CDH12: variants seen among roughly 807,000 people sequenced by gnomAD.
CDH12 encodes cadherin-12.
A neutral mutation model predicts 74.1 loss-of-function variants in CDH12; 41 were observed. That is an observed-to-expected ratio of 0.55 (90% CI 0.43 to 0.72). The LOEUF (loss-of-function observed/expected upper bound fraction) is 0.72, where lower values mean the gene tolerates loss of function less well. Ranked by LOEUF, CDH12 falls within the 30% of genes least tolerant of loss-of-function variation. The pLI, the probability that CDH12 is intolerant of heterozygous loss-of-function variation, is 0.00. For missense variants in CDH12, 945 were observed against 977.2 expected, an observed-to-expected ratio of 0.97 and a Z score of 0.44; for synonymous variants, 399 against 355.0, an observed-to-expected ratio of 1.12 and a Z score of -1.39.
intron 8 of CDH12, among the ~76,000 whole-genome samples, chr5:21,825,134 C>G (rs1399786832): frequency 7.1e-6 from 1 of 141,058 alleles, no homozygotes; most frequent in African/African-American, 2.7e-5. Context: ...GCCTGGGGGA[C>G]AGAGTGAGAC....
chr5:21,968,809 T>G (rs1213589807), intron 6 of CDH12, among the ~76,000 whole-genome samples: 3 of 151,940 alleles, frequency 2.0e-5, no homozygotes. Flanking sequence ...AAAAAGGAAA[T>G]GAGATCATGT....
chr5:22,848,263 G>C lies in CDH12; in HGVS notation c.-523+4795C>G, dbSNP rs1331565447. On this transcript the variant is annotated intron_variant, in intron 1 of 14. Transcript: ENST00000382254. Reference sequence around the variant, plus strand: ...TCAAATTCCAGGAATATCCATGTCTGTCCATTGAAAGCATTCTTTTTTTAA... The same window carrying C: ...TCAAATTCCAGGAATATCCATGTCTCTCCATTGAAAGCATTCTTTTTTTAA... Among the ~76,000 whole-genome samples, 8 of 152,176 alleles carry C rather than the reference G, an allele frequency of 5.3e-5. No homozygotes were observed. In the East Asian group the frequency reaches 1.4e-3, roughly 26 times the overall value.
intron 6 of CDH12, among the ~76,000 whole-genome samples, chr5:21,917,570 G>A (rs1297419084): frequency 6.6e-6 from 1 of 152,150 alleles, no homozygotes; most frequent in Non-Finnish European, 1.5e-5. Flanking sequence ...GACATGGAGA[G>A]AAAATCATCG....
chr5:22,766,179 T>C (rs1025893143), intron 1 of CDH12, among the ~76,000 whole-genome samples: 2 of 151,964 alleles, frequency 1.3e-5, no homozygotes, highest in East Asian at 1.9e-4. Context: ...AGAATGTAAA[T>C]TGGAATAAAC....
chr5:22,710,216 C>G (rs1369465959), intron 1 of CDH12, among the ~76,000 whole-genome samples: 1 of 152,184 alleles, frequency 6.6e-6, no homozygotes, highest in African/African-American at 2.4e-5. Flanking sequence ...AAGTGACCAA[C>G]AGGTACCTCA....
At chr5:22,073,551 A>C (rs1191630780) in intron 5 of CDH12, among the ~76,000 whole-genome samples, 1 of 152,150 alleles carries the variant, frequency 6.6e-6, no homozygotes, top group Non-Finnish European at 1.5e-5. Context: ...ATGAAGTACA[A>C]ATTTTTGCAG....
At chr5:22,503,053 T>C (rs925217658) in intron 2 of CDH12, among the ~76,000 whole-genome samples, 7 of 152,230 alleles carry the variant, frequency 4.6e-5, no homozygotes, top group Non-Finnish European at 8.8e-5. Context: ...AGAAAAAAAA[T>C]GCCAACTTCA....
chr5:22,638,038 C>G (rs1469995640), intron 1 of CDH12, among the ~76,000 whole-genome samples: 1 of 152,138 alleles, frequency 6.6e-6, no homozygotes, highest in African/African-American at 2.4e-5. Flanking sequence ...AATCATAAAT[C>G]ATTGATCATT....
At chr5:22,714,271 C>T (rs892109781) in intron 1 of CDH12, among the ~76,000 whole-genome samples, 3 of 152,146 alleles carry the variant, frequency 2.0e-5, no homozygotes, top group Non-Finnish European at 2.9e-5. Flanking sequence ...CTGAACTTAA[C>T]CTTTTTTCAT....
In CDH12 at chr5:22,302,905, TA is replaced by T. The variant is rs1417547946; in HGVS notation, c.-332-90263del. Among the ~76,000 whole-genome samples, 3 of 152,112 alleles carry T rather than the reference TA, an allele frequency of 2.0e-5. No individual in the cohort carries two copies. In the East Asian group the frequency reaches 5.8e-4, roughly 29 times the overall value. ...TGAGTTAAGAGACTGTTGGCTAACT[TA>T]AAAATATCATGTTAACCATTAGAGT... On this transcript the variant is annotated intron_variant, in intron 3 of 14. Transcript: ENST00000382254.
chr5:21,896,672 A>AGAG (rs386403250), intron 6 of CDH12, among the ~76,000 whole-genome samples: 2 of 151,836 alleles, frequency 1.3e-5, no homozygotes, highest in Admixed American at 6.6e-5. Flanking sequence ...GAATCAAGTA[A>AGAG]GACTGACAAA....
chr5:22,821,422 T>C (rs1337156047), intron 1 of CDH12, among the ~76,000 whole-genome samples: 2 of 152,048 alleles, frequency 1.3e-5, no homozygotes, highest in Non-Finnish European at 2.9e-5. Context: ...GGGTATTCAA[T>C]TAGGAAAAGA....
At chr5:22,573,155 T>C (rs1739619040) in intron 1 of CDH12, among the ~76,000 whole-genome samples, 1 of 152,222 alleles carries the variant, frequency 6.6e-6, no homozygotes, top group African/African-American at 2.4e-5. Context: ...TAAATATTCC[T>C]GTATGAGTCA....
chr5:22,617,098 C>T (rs1737729757), intron 1 of CDH12, among the ~76,000 whole-genome samples: 1 of 151,868 alleles, frequency 6.6e-6, no homozygotes, highest in African/African-American at 2.4e-5. Context: ...TGGTCTCAAA[C>T]CCCTGGTTTC....
At chr5:22,799,294 A>G (rs1748387459) in intron 1 of CDH12, among the ~76,000 whole-genome samples, 1 of 152,312 alleles carries the variant, frequency 6.6e-6, no homozygotes, top group South Asian at 2.1e-4. Flanking sequence ...TATAAAGCGT[A>G]TATATCATGG....
chr5:22,156,143 G>T (rs1748008016), intron 4 of CDH12, among the ~76,000 whole-genome samples: 1 of 152,274 alleles, frequency 6.6e-6, no homozygotes, highest in African/African-American at 2.4e-5. Flanking sequence ...AGTGGGAACT[G>T]TGTGGCATGG....
At chr5:22,368,733 T>C (rs1741141352) in intron 3 of CDH12, among the ~76,000 whole-genome samples, 1 of 152,336 alleles carries the variant, frequency 6.6e-6, no homozygotes, top group Admixed American at 6.5e-5. Flanking sequence ...TTGATGATTA[T>C]AATCTACCTT....
chr5:21,904,653 G>A (rs1010660207), intron 6 of CDH12, among the ~76,000 whole-genome samples: 5 of 151,980 alleles, frequency 3.3e-5, no homozygotes, highest in African/African-American at 1.2e-4. Context: ...GGTGGCATGT[G>A]CCTGTAGTCC....
chr5:22,758,709 G>A (rs2127051048), intron 1 of CDH12, among the ~76,000 whole-genome samples: 1 of 152,134 alleles, frequency 6.6e-6, no homozygotes, highest in Middle Eastern at 3.4e-3. Flanking sequence ...GCAAATGTTT[G>A]TCCATCTACT....
Sources: gnomAD v4.1 joint callset for allele counts (sites outside exome capture counted in the v4.1 genomes callset) on GRCh38, gnomAD v4.1.1 for gene constraint, MANE v1.5 for transcripts, NCBI Gene and HGNC (gene_info 2026-07-23, HGNC 2026-07-21) for gene names.